FGF13: variants seen among roughly 807,000 people sequenced by gnomAD.
FGF13 encodes the protein fibroblast growth factor 13, also known as fibroblast growth factor homologous factor 2.
FGF13 carries 2 observed loss-of-function variants against 19.5 expected under a neutral mutation model. That is an observed-to-expected ratio of 0.10 (90% CI 0.04 to 0.32). The LOEUF (loss-of-function observed/expected upper bound fraction) is 0.32. Ranked by LOEUF, FGF13 falls within the 10% of genes least tolerant of loss-of-function variation. FGF13 has a pLI of 1.00. For missense variants in FGF13, 113 were observed against 192.7 expected, an observed-to-expected ratio of 0.59 and a Z score of 2.45; for synonymous variants, 72 against 76.9, an observed-to-expected ratio of 0.94 and a Z score of 0.33.
chrX:139,092,504 C>T (rs1449127275), intron 1 of FGF13, among the ~76,000 whole-genome samples: 1 of 112,379 alleles, frequency 8.9e-6, no homozygotes, highest in African/African-American at 3.2e-5. Flanking sequence ...ACATCAACAA[C>T]TGCATCCCAT....
At chrX:139,146,177 C>T (rs2083887518) in intron 1 of FGF13, among the ~76,000 whole-genome samples, 2 of 111,769 alleles carry the variant, frequency 1.8e-5, no homozygotes, top group African/African-American at 6.5e-5. Flanking sequence ...TCAGAGTGAA[C>T]AGGCAACCTA....
At chrX:139,100,077 CACACACACACAT>C (rs756467598) in intron 1 of FGF13, among the ~76,000 whole-genome samples, 9 of 109,480 alleles carry the variant, frequency 8.2e-5, no homozygotes, top group African/African-American at 2.7e-4. Context: ...CACACACACA[CACACACACACAT>C]AAACACATGT....
intron 1 of FGF13, among the ~76,000 whole-genome samples, chrX:138,982,484 T>C (rs1330266722): frequency 8.9e-6 from 1 of 112,044 alleles, no homozygotes; most frequent in South Asian, 3.7e-4. Context: ...GGTGTGTATT[T>C]GAATGAGGAA....
At position 139,067,125 on chromosome X, in the gene FGF13, C is replaced by T. The variant is rs997323141; in HGVS notation, c.-113+136291G>A. ...CTCAATAAACTAGGTACTGATGGAA[C>T]ATAATTGCAAAATAATAAGAGCTAT... is the stretch of plus-strand genomic sequence containing the variant. On this transcript the variant is annotated intron_variant, in intron 1 of 2. Coordinates refer to the FGF13 transcript ENST00000421460. 4.5e-5 allele frequency among the ~76,000 whole-genome samples: 5 copies of T among 111,533 alleles called. No homozygotes were observed. The Admixed American group carries it at 4.8e-4, about 11-fold the overall frequency.
At chrX:139,183,653 T>G (rs760632268) in intron 1 of FGF13, among the ~76,000 whole-genome samples, 1 of 112,085 alleles carries the variant, frequency 8.9e-6, no homozygotes, top group East Asian at 2.8e-4. Flanking sequence ...TCCCGAGGCC[T>G]TGCCAGCAGC....
At chrX:138,998,302 CATA>C (rs765103760) in intron 1 of FGF13, among the ~76,000 whole-genome samples, 55 of 111,409 alleles carry the variant, frequency 4.9e-4, no homozygotes, top group Non-Finnish European at 8.8e-4. Flanking sequence ...CAGTTAGCAT[CATA>C]ATGACAGGAT....
rs998872281 is a variant in FGF13 at position 139,066,828 on chromosome X, A to G, written c.-113+136588T>C. Among the ~76,000 whole-genome samples, 7 of 111,301 alleles carry G rather than the reference A, an allele frequency of 6.3e-5. 1 individual carries two copies. Among genetic ancestry groups the G allele is most frequent in the Non-Finnish European group, 1.3e-4 (7 of 53,050 alleles). On this transcript the variant is annotated intron_variant, in intron 1 of 2. Transcript: ENST00000421460. ...GCCTGGCAGAGACACAACCAAAAAAAAAAAGCAAATTTCAGGCCAATATCC... is the reference window on the plus strand; with the variant it reads ...GCCTGGCAGAGACACAACCAAAAAAGAAAAGCAAATTTCAGGCCAATATCC...
At chrX:138,852,484 G>C (rs781313979) in intron 3 of FGF13, among the ~76,000 whole-genome samples, 1 of 111,659 alleles carries the variant, frequency 9.0e-6, no homozygotes, top group South Asian at 3.7e-4. Context: ...AATGGTGCTG[G>C]GTGAACTGGC....
chrX:139,135,267 T>C (rs2083790691), intron 1 of FGF13, among the ~76,000 whole-genome samples: 1 of 111,185 alleles, frequency 9.0e-6, no homozygotes, highest in Admixed American at 9.5e-5. Flanking sequence ...CCTGCAATTT[T>C]AGAGTGGCTA....
At chrX:138,766,188 C>T (rs1267890445) in intron 3 of FGF13, among the ~76,000 whole-genome samples, 1 of 112,400 alleles carries the variant, frequency 8.9e-6, no homozygotes, top group Non-Finnish European at 1.9e-5. Flanking sequence ...AAATGTCTGT[C>T]TCACCCAGAG....
At chrX:138,644,274 T>C (rs2089282549) in intron 3 of FGF13, among the ~76,000 whole-genome samples, 1 of 108,361 alleles carries the variant, frequency 9.2e-6, no homozygotes, top group Non-Finnish European at 1.9e-5. Context: ...TACCTCAGGA[T>C]TTTTTTTTTC....
intron 3 of FGF13, among the ~76,000 whole-genome samples, chrX:138,746,357 C>T (rs981446686): frequency 6.3e-5 from 7 of 110,265 alleles, no homozygotes; most frequent in Admixed American, 1.9e-4. Context: ...GTTAGCACCT[C>T]GTTGTGAGGA....
intron 3 of FGF13, among the ~76,000 whole-genome samples, chrX:138,700,992 C>T (rs1449821064): frequency 1.8e-5 from 2 of 112,170 alleles, no homozygotes; most frequent in Non-Finnish European, 3.8e-5. Flanking sequence ...ACGCTGGTTC[C>T]TTAAGTGTAA....
intron 3 of FGF13, among the ~76,000 whole-genome samples, chrX:138,663,650 C>T (rs1186634938): frequency 9.0e-6 from 1 of 111,643 alleles, no homozygotes. Context: ...CTCTCCCTCA[C>T]CCAACATTAT....
rs375071412 is a variant in FGF13, at chrX:138,872,490, C to A, written c.-112-7840G>T. ...AAACTGATTCTCTAGAACTCCTACA[C>A]CATTCTTGTTTCTGTCCTCTAGATC... On this transcript the variant is annotated intron_variant, in intron 1 of 2. Transcript: ENST00000421460. 9.8e-5 allele frequency among the ~76,000 whole-genome samples: 11 copies of A among 112,005 alleles called. No individual in the cohort carries two copies. The East Asian group carries it at 3.1e-3, about 32-fold the overall frequency.
intron 1 of FGF13, among the ~76,000 whole-genome samples, chrX:138,992,514 C>T (rs2092021189): frequency 9.1e-6 from 1 of 110,146 alleles, no homozygotes; most frequent in African/African-American, 3.3e-5. Flanking sequence ...TTTTGGAGTT[C>T]ATTATTTTAT....
At chrX:139,148,900 A>C (rs73633985) in intron 1 of FGF13, among the ~76,000 whole-genome samples, 14,980 of 110,688 alleles carry the variant, frequency 0.14, 1,996 homozygotes, top group African/African-American at 0.42. Context: ...TCCTGACCCC[A>C]GACCCAGAAC....
At chrX:138,785,279 T>C (rs780821332) in intron 3 of FGF13, among the ~76,000 whole-genome samples, 1 of 111,599 alleles carries the variant, frequency 9.0e-6, no homozygotes, top group African/African-American at 3.3e-5. Context: ...TTTCCCTCTT[T>C]ACAGGATTGC....
Position 138,629,920 on chromosome X carries a change from A to T in FGF13, c.*2930T>A, listed in dbSNP as rs1422685011. The T allele has an allele frequency of 9.0e-6, 1 of 111,394 alleles. No individual in the cohort carries two copies. The highest frequency in any genetic ancestry group is 1.9e-5 in the Non-Finnish European group (1 of 53,148). The allele number at this position is 111,394 out of a possible 1,213,427, so 9.2% of individuals were successfully genotyped here. On this transcript the variant is annotated 3_prime_UTR_variant, in exon 5 of 5. Transcript: ENST00000315930. ...AATAGTATTTGAAGTGTTTCCCACA[A>T]CTATTTGACTAGAGTCTTTTTTTCT...
Sources: gnomAD v4.1 joint callset for allele counts (sites outside exome capture counted in the v4.1 genomes callset) on GRCh38, gnomAD v4.1.1 for gene constraint, MANE v1.5 for transcripts, NCBI Gene and HGNC (gene_info 2026-07-23, HGNC 2026-07-21) for gene names.